ATP9B: variants seen among roughly 807,000 people sequenced by gnomAD.
ATP9B encodes probable phospholipid-transporting ATPase IIB.
ATP9B carries 110 observed loss-of-function variants against 146.1 expected under a neutral mutation model. That is an observed-to-expected ratio of 0.75 (90% CI 0.65 to 0.88). ATP9B has a LOEUF of 0.88. Ranked by LOEUF, ATP9B falls within the 40% of genes least tolerant of loss-of-function variation. The pLI, the probability that ATP9B is intolerant of heterozygous loss-of-function variation, is 0.00. For missense variants in ATP9B, 1,499 were observed against 1,496.4 expected (o/e 1.00, Z -0.03); for synonymous variants, 604 against 569.7 (o/e 1.06, Z -0.86).
At chr18:79,112,833 A>G (rs927273414) in intron 3 of ATP9B, among the ~76,000 whole-genome samples, 2 of 152,076 alleles carry the variant, frequency 1.3e-5, no homozygotes, top group African/African-American at 4.8e-5. Flanking sequence ...TTTCTGAGTC[A>G]TTATCAAGAT....
chr18:79,362,166 A>G (rs143972693), intron 26 of ATP9B: 2 of 152,366 alleles, frequency 1.3e-5, no homozygotes, highest in African/African-American at 4.8e-5. Flanking sequence ...AGAAGACTCA[A>G]TTGGAAAGAA....
In ATP9B at chr18:79,127,718, A is replaced by C. The variant is rs145813873; in HGVS notation, c.667+1343A>C. ...AATATTGTTTTCATTTATCTTGGAT[A>C]CATACCTAGGAGTGAGATTGCTGGA... is the stretch of plus-strand genomic sequence containing the variant. On this transcript the variant is annotated intron_variant, in intron 5 of 29. Coordinates refer to ENST00000426216, the MANE Select transcript of ATP9B (RefSeq NM_198531.5). Among the ~76,000 whole-genome samples, 202 of 152,334 alleles carry C rather than the reference A, an allele frequency of 1.3e-3. 1 individual carries two copies. The highest frequency in any genetic ancestry group is 4.6e-3 in the African/African-American group (191 of 41,576).
intron 15 of ATP9B, among the ~76,000 whole-genome samples, chr18:79,322,188 G>T (rs541014737): frequency 1.3e-5 from 2 of 152,306 alleles, no homozygotes; most frequent in African/African-American, 4.8e-5. Flanking sequence ...GACTCTCGGT[G>T]TACTTAGTAA....
chr18:79,200,750 T>TGGGGACTGTCGGGGTCAGAGCAGAGGC (rs2095470870), intron 9 of ATP9B, among the ~76,000 whole-genome samples: 43 of 73,890 alleles, frequency 5.8e-4, no homozygotes, highest in African/African-American at 8.7e-4. Context: ...AGAGCAGAGG[T>TGGGGACTGTCGGGGTCAGAGCAGAGGC]GGAGGTGGGA....
rs1440228767 is a variant in ATP9B at position 79,377,908 on chromosome 18, T to G, written c.*525T>G. 6.5e-6 allele frequency: 1 copy of G among 153,690 alleles called. No individual in the cohort carries two copies. The highest frequency in any genetic ancestry group is 6.4e-5 in the Admixed American group (1 of 15,614). 9.5% of individuals were successfully genotyped at this position (153,690 alleles called of 1,614,324 possible). The stretch of plus-strand genomic sequence containing the variant: ...AAGTGTGGGGCCTCACCCCTGCTTT[T>G]CTTTCTTTTTTTGTATTGTCAAAAT... On this transcript the variant is annotated 3_prime_UTR_variant, in exon 30 of 30. Transcript: ENST00000426216.
chr18:79,339,823 G>T (rs2096849142), intron 19 of ATP9B, among the ~76,000 whole-genome samples: 1 of 152,196 alleles, frequency 6.6e-6, no homozygotes, highest in Admixed American at 6.5e-5. Flanking sequence ...CATGATCGCA[G>T]TAGGAAGTGC....
rs1482196101 is a variant in ATP9B, at chr18:79,377,281, GA to G, written c.3345del (p.Val1116CysfsTer18). 6.2e-7 allele frequency: 1 copy of G among 1,612,366 alleles called. No homozygotes were observed. The highest frequency in any genetic ancestry group is 2.2e-5 in the East Asian group (1 of 44,850). On this transcript the variant is annotated frameshift_variant, in exon 30 of 30. Transcript: ENST00000426216. LOFTEE classifies it high-confidence loss of function. ...TTATCACCACCGTGACCTTCCTGTG[GA>G]AAGTGTCGGCGATCACCGTGGTCAG... ...AFITTVTFLW[K>X]VSAITVVSCL...
intron 4 of ATP9B, among the ~76,000 whole-genome samples, chr18:79,113,773 T>C (rs2147023091): frequency 6.6e-6 from 1 of 152,328 alleles, no homozygotes. Context: ...GTATGATTTC[T>C]GGTTGATATC....
intron 1 of ATP9B, among the ~76,000 whole-genome samples, chr18:79,070,245 A>C (rs1599268176): frequency 6.6e-6 from 1 of 152,248 alleles, no homozygotes; most frequent in East Asian, 1.9e-4. Flanking sequence ...TTTATTCCAG[A>C]GGAATTGTCG....
chr18:79,176,781 A>T (rs573471050), intron 7 of ATP9B, 32 bp from the exon 8 acceptor site: 2 of 1,585,048 alleles, frequency 1.3e-6, no homozygotes, highest in East Asian at 4.5e-5. Flanking sequence ...TAACAATTCA[A>T]GAGTGGTAAA....
intron 1 of ATP9B, among the ~76,000 whole-genome samples, chr18:79,075,495 G>A (rs1358656054): frequency 2.0e-5 from 3 of 152,078 alleles, no homozygotes; most frequent in African/African-American, 4.8e-5. Flanking sequence ...CTGTTGTTTG[G>A]TGCATACACA....
At chr18:79,237,697 G>C (rs1246765023) in intron 11 of ATP9B, among the ~76,000 whole-genome samples, 1 of 144,980 alleles carries the variant, frequency 6.9e-6, no homozygotes, top group East Asian at 2.0e-4. Flanking sequence ...TTTGGGGGGG[G>C]GTGGGGGAAG....
chr18:79,121,899 G>C (rs776823971), intron 4 of ATP9B, among the ~76,000 whole-genome samples: 3 of 152,108 alleles, frequency 2.0e-5, no homozygotes, highest in Non-Finnish European at 4.4e-5. Flanking sequence ...ATTTGAAGTG[G>C]GAGCTTAATT....
intron 1 of ATP9B, among the ~76,000 whole-genome samples, chr18:79,071,591 G>T (rs2071834987): frequency 6.6e-6 from 1 of 151,512 alleles, no homozygotes; most frequent in African/African-American, 2.4e-5. Flanking sequence ...TTGCTATATT[G>T]CCCAACTGGT....
chr18:79,202,538 G>A (rs374581434), intron 9 of ATP9B, among the ~76,000 whole-genome samples: 15 of 152,254 alleles, frequency 9.9e-5, no homozygotes, highest in African/African-American at 3.4e-4. Flanking sequence ...GCATGAAATG[G>A]TAACATTTTG....
chr18:79,167,254 A>G (rs541831216), intron 7 of ATP9B, among the ~76,000 whole-genome samples: 165 of 152,282 alleles, frequency 1.1e-3, no homozygotes, highest in Middle Eastern at 6.8e-3. Flanking sequence ...GCTGGTCTCA[A>G]GTTCTTGTCC....
chr18:79,370,711 AATATGGAACAC>A (rs2097064303), intron 26 of ATP9B, among the ~76,000 whole-genome samples: 1 of 152,126 alleles, frequency 6.6e-6, no homozygotes, highest in Non-Finnish European at 1.5e-5. Context: ...CATCTGCTTC[AATATGGAACAC>A]CCCACAGGTG....
chr18:79,193,735 G>C (rs2095391655), intron 9 of ATP9B, among the ~76,000 whole-genome samples: 1 of 152,154 alleles, frequency 6.6e-6, no homozygotes, highest in South Asian at 2.1e-4. Flanking sequence ...CCTTGCCCCT[G>C]ACTAACAGGG....
intron 5 of ATP9B, among the ~76,000 whole-genome samples, chr18:79,137,861 C>T (rs774563428): frequency 6.6e-5 from 10 of 152,198 alleles, no homozygotes; most frequent in Non-Finnish European, 1.5e-4. Context: ...CCTCATTTTT[C>T]CATAGCACCT....
Sources: allele counts gnomAD v4.1 joint callset (sites outside exome capture counted in the v4.1 genomes callset), GRCh38; gene constraint gnomAD v4.1.1; transcripts MANE v1.5; gene names NCBI Gene and HGNC (gene_info 2026-07-23, HGNC 2026-07-21).